Variants in BUB1B observed in about 807,000 individuals in gnomAD.
BUB1B encodes the protein BUB1 mitotic checkpoint serine/threonine kinase B, also known as mitotic checkpoint serine/threonine-protein kinase BUB1 beta.
BUB1B carries 86 observed loss-of-function variants against 137.7 expected under a neutral mutation model. The observed-to-expected ratio is 0.62, with a 90% CI of 0.52 to 0.75. BUB1B has a LOEUF of 0.75. BUB1B is among the 30% of genes least tolerant of loss of function. The probability of loss-of-function intolerance (pLI) is 0.00; values close to 1 mark genes in which losing one functional copy is unlikely to be tolerated. For synonymous variants in BUB1B, 420 were observed against 417.9 expected (o/e 1.00, Z -0.06); for missense variants, 1,130 against 1,236.9 (o/e 0.91, Z 1.30).
At chr15:40,184,585 TG>T (rs796939505) in intron 6 of BUB1B, among the ~76,000 whole-genome samples, 1 of 152,214 alleles carries the variant, frequency 6.6e-6, no homozygotes, top group African/African-American at 2.4e-5. Flanking sequence ...TAAACCAGGC[TG>T]TTTTTTTAAT....
intron 5 of BUB1B, 62 bp downstream of exon 5, chr15:40,176,735 T>C: frequency 2.6e-6 from 4 of 1,551,378 alleles, no homozygotes; most frequent in Non-Finnish European, 3.5e-6. Flanking sequence ...ATCTCTTTTT[T>C]GCATCTGAAT....
At chr15:40,182,636 T>C (rs1466040074) in intron 5 of BUB1B, among the ~76,000 whole-genome samples, 1 of 152,224 alleles carries the variant, frequency 6.6e-6, no homozygotes, top group Non-Finnish European at 1.5e-5. Context: ...ACCCTGTGCA[T>C]GCATAGCTCA....
At chr15:40,187,316 C>T (rs1279012612) in intron 8 of BUB1B, among the ~76,000 whole-genome samples, 1 of 152,002 alleles carries the variant, frequency 6.6e-6, no homozygotes, top group African/African-American at 2.4e-5. Context: ...TTAGTAGAGA[C>T]GGGATTTCAC....
intron 4 of BUB1B, among the ~76,000 whole-genome samples, chr15:40,171,263 C>T (rs1309520036): frequency 6.6e-6 from 1 of 151,928 alleles, no homozygotes; most frequent in Non-Finnish European, 1.5e-5. Flanking sequence ...TTATTCTAAA[C>T]ATAACTGGGT....
chr15:40,196,472 T>G, intron 8 of BUB1B, 73 bp from the exon 9 acceptor site: 1 of 1,350,444 alleles, frequency 7.4e-7, no homozygotes, highest in Non-Finnish European at 1.1e-6. Flanking sequence ...AAATTATTTT[T>G]AGCTTCTTTT....
Position 40,161,157 on chromosome 15 carries a change from C to T in BUB1B, c.-64C>T, listed in dbSNP as rs2037038119. On this transcript the variant is annotated 5_prime_UTR_variant, in exon 1 of 23. Coordinates refer to ENST00000287598, the MANE Select transcript of BUB1B (RefSeq NM_001211.6). ...CGAGGGCAGGTTGCGGAAGAAAGCC[C>T]AGGCGGTCTGTGGCCCAGAGGAAAG... 5.0e-6 allele frequency: 8 copies of T among 1,596,104 alleles called. No individual in the cohort carries two copies. The highest frequency in any genetic ancestry group is 6.0e-6 in the Non-Finnish European group (7 of 1,170,798).
chr15:40,205,746 T>C (rs1402032344), intron 14 of BUB1B, among the ~76,000 whole-genome samples: 1 of 152,222 alleles, frequency 6.6e-6, no homozygotes, highest in Non-Finnish European at 1.5e-5. Flanking sequence ...GTTGTAAAAC[T>C]GCTTTTCAAA....
chr15:40,179,005 C>G (rs1197976277), intron 5 of BUB1B, among the ~76,000 whole-genome samples: 4 of 152,118 alleles, frequency 2.6e-5, no homozygotes, highest in Non-Finnish European at 2.9e-5. Flanking sequence ...TTAGCAGTCA[C>G]TCTCCATTCC....
Position 40,206,352 on chromosome 15 carries a change from C to G in BUB1B, c.1903C>G (p.Pro635Ala). 6.2e-7 allele frequency: 1 copy of G among 1,614,136 alleles called. No individual in the cohort carries two copies. Among genetic ancestry groups the G allele is most frequent in the Non-Finnish European group, 8.5e-7 (1 of 1,180,014 alleles). ...IMSLKDLPSDPERLLPEEDLD... is the reference protein window; with the variant it reads ...IMSLKDLPSDAERLLPEEDLD... ...GTCCTTGAAGGATCTCCCTTCTGAT[C>G]CTGAGAGACTGTTACCGGAAGAAGA... Residue 635 changes from proline to alanine, a missense_variant, in exon 15 of 23, where the codon CCT becomes GCT. Pro to Ala is a conservative substitution (Grantham distance 27). Transcript: ENST00000287598.
intron 5 of BUB1B, among the ~76,000 whole-genome samples, chr15:40,183,308 GAA>G (rs1169298064): frequency 6.6e-6 from 1 of 152,182 alleles, no homozygotes; most frequent in African/African-American, 2.4e-5. Context: ...CATGTGTATA[GAA>G]AAAGAGACAC....
In BUB1B at chr15:40,205,241, C is replaced by A. The variant is rs1386544441; in HGVS notation, c.1735-943C>A. 2.0e-5 allele frequency among the ~76,000 whole-genome samples: 3 copies of A among 152,144 alleles called. No individual in the cohort carries two copies. The East Asian group carries it at 5.8e-4, about 29-fold the overall frequency. ...GGATTACAGGCGTGAGCCACTGCAC[C>A]CGGCCTATAATTTTTTTTTTAACTA... On this transcript the variant is annotated intron_variant, in intron 14 of 22. Transcript: ENST00000287598.
intron 4 of BUB1B, among the ~76,000 whole-genome samples, chr15:40,171,887 G>A (rs978111305): frequency 2.0e-5 from 3 of 151,652 alleles, no homozygotes; most frequent in African/African-American, 7.3e-5. Context: ...AATGACCACC[G>A]TTTGTTAGAC....
At chr15:40,167,221 T>C (rs1422753864) in intron 2 of BUB1B, among the ~76,000 whole-genome samples, 2 of 151,332 alleles carry the variant, frequency 1.3e-5, no homozygotes, top group Non-Finnish European at 2.9e-5. Flanking sequence ...TTGATGAAGT[T>C]CAATTAATTA....
chr15:40,183,568 C>T, intron 5 of BUB1B, 146 bp from the exon 6 acceptor site: 1 of 765,980 alleles, frequency 1.3e-6, no homozygotes, highest in Non-Finnish European at 2.2e-6. Context: ...CTCTTTACTT[C>T]TGAGAGAATA....
intron 2 of BUB1B, among the ~76,000 whole-genome samples, chr15:40,168,277 G>C (rs1352028580): frequency 1.3e-5 from 2 of 152,048 alleles, no homozygotes; most frequent in African/African-American, 4.8e-5. Flanking sequence ...TGAGGTAGGA[G>C]AATCACTTGA....
intron 15 of BUB1B, among the ~76,000 whole-genome samples, chr15:40,207,138 A>G (rs1482249616): frequency 6.6e-6 from 1 of 152,172 alleles, no homozygotes. Context: ...ATAGGCAACT[A>G]GAGATGTGTT....
rs200135586 is a variant in BUB1B at position 40,185,358 on chromosome 15, A to G, written c.945A>G (p.Thr315=). The change falls in exon 7 of 23, where the codon ACA becomes ACG. Residue 315 remains threonine (T), a synonymous_variant. Coordinates refer to ENST00000287598, the MANE Select transcript of BUB1B (RefSeq NM_001211.6). ...AGCTGCAAGCAGGCCCTTGGAACAC[A>G]GGCAGGTCCTTGGAACACAGGGTAA... ...ENELQAGPWN[T]GRSLEHRPRG... The G allele has an allele frequency of 6.2e-7, 1 of 1,614,182 alleles. No homozygotes were observed. Among genetic ancestry groups the G allele is most frequent in the African/African-American group, 1.3e-5 (1 of 75,050 alleles).
intron 5 of BUB1B, among the ~76,000 whole-genome samples, chr15:40,177,715 A>G (rs942143386): frequency 4.6e-5 from 7 of 151,868 alleles, no homozygotes; most frequent in South Asian, 2.1e-4. Flanking sequence ...GACTTTCTAT[A>G]TAAGTTTTAG....
Position 40,199,627 on chromosome 15 carries a change from C to A in BUB1B, c.1301C>A (p.Thr434Asn). 6.2e-7 allele frequency: 1 copy of A among 1,613,676 alleles called. No individual in the cohort carries two copies. The highest frequency in any genetic ancestry group is 1.3e-5 in the African/African-American group (1 of 74,978). Residue 434 changes from threonine (T) to asparagine (N), a missense_variant, in exon 10 of 23, where the codon ACC becomes AAC. By Grantham distance (65) the Thr-to-Asn change is moderately conservative (BLOSUM62 0). Transcript: ENST00000287598. Reference sequence around the variant, plus strand: ...TTACTGTTTCTAGCCGAGCTATTGACCAGTGCAGAGAAGAGAGCAGAAATG... The same window carrying A: ...TTACTGTTTCTAGCCGAGCTATTGAACAGTGCAGAGAAGAGAGCAGAAATG... Reference protein sequence around the residue: ...LKEQREAELLTSAEKRAEMQK... With the variant: ...LKEQREAELLNSAEKRAEMQK...
Sources: gnomAD v4.1 joint callset for allele counts (sites outside exome capture counted in the v4.1 genomes callset) on GRCh38, gnomAD v4.1.1 for gene constraint, MANE v1.5 for transcripts, NCBI Gene and HGNC (gene_info 2026-07-23, HGNC 2026-07-21) for gene names.